The following FAT3 variants were observed in gnomAD, a reference collection of about 807,000 sequenced individuals.
The protein encoded by FAT3 is protocadherin Fat 3.
Under a neutral mutation model 310.2 loss-of-function variants are expected in FAT3, and 95 were observed. The ratio of observed to expected loss-of-function variants is 0.31; its 90% CI spans 0.26 to 0.36. FAT3 has a LOEUF of 0.36. Ranked by LOEUF, FAT3 falls within the 10% of genes least tolerant of loss-of-function variation. FAT3 has a pLI of 1.00. For missense variants in FAT3, 5,408 were observed against 5,715.6 expected (o/e 0.95, Z 1.74); for synonymous variants, 2,314 against 2,192.9 (o/e 1.06, Z -1.54).
chr11:92,837,647 C>A lies in FAT3; in HGVS notation c.10225-16C>A, dbSNP rs11020076. 0.4 allele frequency: 642,726 copies of A among 1,611,102 alleles called. 129,130 individuals are homozygous for A. The highest frequency in any genetic ancestry group is 0.48 in the East Asian group (21,601 of 44,780). Reference sequence around the variant, plus strand: ...GCGCTACACCTCTTTACTGTCACCTCTTTGTACCTTGGCAGGTGTCTGGAT... The same window carrying A: ...GCGCTACACCTCTTTACTGTCACCTATTTGTACCTTGGCAGGTGTCTGGAT... On this transcript the variant is annotated splice_polypyrimidine_tract_variant and intron_variant, in intron 16 of 27. Coordinates refer to ENST00000525166, the MANE Select transcript of FAT3 (RefSeq NM_001367949.2).
chr11:92,464,078 T>C (rs1248974773), intron 2 of FAT3, among the ~76,000 whole-genome samples: 2 of 152,124 alleles, frequency 1.3e-5, no homozygotes, highest in Non-Finnish European at 2.9e-5. Flanking sequence ...CCAAAGACAA[T>C]AGACACCTTG....
At chr11:92,436,874 C>A (rs1950951656) in intron 2 of FAT3, among the ~76,000 whole-genome samples, 1 of 152,126 alleles carries the variant, frequency 6.6e-6, no homozygotes, top group African/African-American at 2.4e-5. Flanking sequence ...AAAGAAATAT[C>A]AAGATAAGAC....
chr11:92,359,397 G>A (rs1168069078), intron 2 of FAT3, among the ~76,000 whole-genome samples: 4 of 152,160 alleles, frequency 2.6e-5, no homozygotes, highest in Admixed American at 2.6e-4. Context: ...CTATGCTTCA[G>A]TAATTGTAGT....
Position 92,545,620 on chromosome 11 carries a change from C to T in FAT3, c.3607+20672C>T, listed in dbSNP as rs616596. On this transcript the variant is annotated intron_variant, in intron 3 of 27. Coordinates refer to ENST00000525166, the MANE Select transcript of FAT3 (RefSeq NM_001367949.2). ...TCTTCCAAGCCAAGGGCCAGGTAGT[C>T]GGTAAGATTTGCACTTGCTCTTTAA... 6.5e-3 allele frequency among the ~76,000 whole-genome samples: 987 copies of T among 152,096 alleles called. 10 individuals are homozygous for T. Among genetic ancestry groups the T allele is most frequent in the Middle Eastern group, 0.02 (6 of 294 alleles).
intron 17 of FAT3, among the ~76,000 whole-genome samples, chr11:92,839,833 G>C (rs547111401): frequency 3.9e-5 from 6 of 152,314 alleles, no homozygotes; most frequent in Non-Finnish European, 5.9e-5. Flanking sequence ...TTTGACCCAA[G>C]AAGGAGCTTT....
At chr11:92,601,350 A>T (rs1464654316) in intron 3 of FAT3, among the ~76,000 whole-genome samples, 1 of 152,152 alleles carries the variant, frequency 6.6e-6, no homozygotes, top group Non-Finnish European at 1.5e-5. Context: ...ACCTGAGGTC[A>T]GGAGTTTGAG....
At chr11:92,804,983 A>G (rs561914933) in intron 10 of FAT3, among the ~76,000 whole-genome samples, 170 bp from the exon 11 acceptor site, 97 of 152,362 alleles carry the variant, frequency 6.4e-4, no homozygotes, top group Non-Finnish European at 1.3e-3. Flanking sequence ...GCATATAAAT[A>G]TCATGCTTTG....
chr11:92,480,600 A>T, intron 2 of FAT3, among the ~76,000 whole-genome samples: 1 of 152,194 alleles, frequency 6.6e-6, no homozygotes, highest in Non-Finnish European at 1.5e-5. Flanking sequence ...CATTAGTAGC[A>T]AAATGTAATA....
intron 4 of FAT3, among the ~76,000 whole-genome samples, chr11:92,758,663 A>G (rs1311869659): frequency 6.6e-6 from 1 of 152,200 alleles, no homozygotes; most frequent in Non-Finnish European, 1.5e-5. Context: ...TGAAGAAGAA[A>G]TATCACTCTA....
chr11:92,550,542 T>C (rs1286519249), intron 3 of FAT3, among the ~76,000 whole-genome samples: 1 of 152,200 alleles, frequency 6.6e-6, no homozygotes, highest in African/African-American at 2.4e-5. Context: ...ACTGGGAGTA[T>C]TGGCCAAATC....
chr11:92,480,505 A>G (rs1952193172), intron 2 of FAT3, among the ~76,000 whole-genome samples: 1 of 151,898 alleles, frequency 6.6e-6, no homozygotes, highest in Non-Finnish European at 1.5e-5. Context: ...TGCAACTCAT[A>G]GGGTGAAAGG....
At chr11:92,346,305 C>T (rs1400316642) in intron 1 of FAT3, among the ~76,000 whole-genome samples, 1 of 152,114 alleles carries the variant, frequency 6.6e-6, no homozygotes, top group Non-Finnish European at 1.5e-5. Context: ...CTTGAACTCC[C>T]CAGGAATTAA....
intron 2 of FAT3, among the ~76,000 whole-genome samples, chr11:92,373,194 C>A (rs80247831): frequency 6.6e-6 from 1 of 152,146 alleles, no homozygotes; most frequent in Non-Finnish European, 1.5e-5. Context: ...ACCATCACCA[C>A]TATCGTCTAG....
chr11:92,331,131 T>G (rs962163912), intron 1 of FAT3, among the ~76,000 whole-genome samples: 6 of 152,076 alleles, frequency 3.9e-5, no homozygotes, highest in African/African-American at 1.2e-4. Flanking sequence ...AATATATAAT[T>G]AGGAGGGCTG....
At chr11:92,594,369 G>C (rs1008963923) in intron 3 of FAT3, among the ~76,000 whole-genome samples, 10 of 152,140 alleles carry the variant, frequency 6.6e-5, no homozygotes, top group Admixed American at 1.3e-4. Context: ...CTGAACCCAG[G>C]AGGTGGATGT....
chr11:92,412,734 T>TATATATACACACAC (rs1565296384), intron 2 of FAT3, among the ~76,000 whole-genome samples: 6 of 11,880 alleles, frequency 5.1e-4, no homozygotes, highest in Non-Finnish European at 1.2e-3. Flanking sequence ...TATATATATA[T>TATATATACACACAC]ATATATATAT....
intron 4 of FAT3, among the ~76,000 whole-genome samples, chr11:92,739,153 A>G (rs886561455): frequency 1.3e-5 from 2 of 152,178 alleles, no homozygotes; most frequent in African/African-American, 4.8e-5. Flanking sequence ...CCTTTCCTGG[A>G]TTGCAGTGAT....
At chr11:92,281,130 T>A (rs1034825491) in intron 1 of FAT3, among the ~76,000 whole-genome samples, 2 of 152,116 alleles carry the variant, frequency 1.3e-5, no homozygotes, top group African/African-American at 2.4e-5. Context: ...TTGTCAAAAA[T>A]TTTTTGATAA....
chr11:92,398,433 G>A (rs916474264), intron 2 of FAT3, among the ~76,000 whole-genome samples: 5 of 150,844 alleles, frequency 3.3e-5, no homozygotes, highest in Non-Finnish European at 5.9e-5. Flanking sequence ...CCTGGTAGGC[G>A]GAGGTTGCAG....
Sources: allele counts gnomAD v4.1 joint callset (sites outside exome capture counted in the v4.1 genomes callset), GRCh38; gene constraint gnomAD v4.1.1; transcripts MANE v1.5; gene names NCBI Gene and HGNC (gene_info 2026-07-23, HGNC 2026-07-21).